RARS2: variants seen among roughly 807,000 people sequenced by gnomAD.
RARS2 encodes probable arginine--tRNA ligase, mitochondrial.
In RARS2, 67 loss-of-function variants were observed where a neutral mutation model predicts 88.5. That is an observed-to-expected ratio of 0.76 (90% CI 0.62 to 0.93). The LOEUF (loss-of-function observed/expected upper bound fraction) is 0.93, where lower values mean the gene tolerates loss of function less well. Among genes scored for constraint, RARS2 ranks in the 40% least tolerant of loss-of-function variants. The probability of loss-of-function intolerance (pLI) is 0.00; values close to 1 mark genes in which losing one functional copy is unlikely to be tolerated. For synonymous variants in RARS2, 239 were observed against 230.3 expected, an observed-to-expected ratio of 1.04 and a Z score of -0.34; for missense variants, 664 against 684.2, an observed-to-expected ratio of 0.97 and a Z score of 0.33.
chr6:87,529,511 A>AT (rs1776770644), intron 10 of RARS2, 31 bp downstream of exon 10: 2 of 1,324,256 alleles, frequency 1.5e-6, no homozygotes, highest in Non-Finnish European at 2.2e-6. Context: ...AGAACAAATA[A>AT]TTTTACTGAA....
chr6:87,558,665 C>G (rs989388475), intron 4 of RARS2, among the ~76,000 whole-genome samples: 1 of 152,200 alleles, frequency 6.6e-6, no homozygotes, highest in Non-Finnish European at 1.5e-5. Context: ...CAATGCATTA[C>G]TCACATGTTT....
intron 5 of RARS2, among the ~76,000 whole-genome samples, chr6:87,553,285 T>C (rs1784892223): frequency 6.6e-6 from 1 of 152,164 alleles, no homozygotes; most frequent in African/African-American, 2.4e-5. Context: ...AGTCTCTAGA[T>C]GACCGCAGTT....
At chr6:87,542,082 AC>A in intron 7 of RARS2, 88 bp from the exon 8 acceptor site, 1 of 1,008,364 alleles carries the variant, frequency 9.9e-7, no homozygotes, top group Non-Finnish European at 1.5e-6. Flanking sequence ...CTATAAAAAG[AC>A]CAACCTGTCA....
At chr6:87,555,333 C>G in intron 5 of RARS2, 75 bp downstream of exon 5, 1 of 1,146,046 alleles carries the variant, frequency 8.7e-7, no homozygotes, top group Non-Finnish European at 1.3e-6. Context: ...TTAAGACCCC[C>G]AAATAATGAT....
At chr6:87,539,191 C>T (rs1002235628) in intron 8 of RARS2, among the ~76,000 whole-genome samples, 2 of 152,130 alleles carry the variant, frequency 1.3e-5, no homozygotes, top group Admixed American at 6.5e-5. Context: ...TGTCATGCTG[C>T]ACTCTAAATC....
chr6:87,547,264 T>C (rs1426078581), intron 6 of RARS2, among the ~76,000 whole-genome samples: 1 of 152,240 alleles, frequency 6.6e-6, no homozygotes, highest in African/African-American at 2.4e-5. Flanking sequence ...GCTTTTTTTA[T>C]ACTGTATATT....
chr6:87,549,285 G>A (rs1026450221), intron 5 of RARS2, among the ~76,000 whole-genome samples: 2 of 151,986 alleles, frequency 1.3e-5, no homozygotes, highest in South Asian at 2.1e-4. Context: ...GAACCTGGGA[G>A]GCGGAGGTTG....
intron 5 of RARS2, among the ~76,000 whole-genome samples, chr6:87,553,071 G>A (rs974655113): frequency 1.3e-5 from 2 of 152,102 alleles, no homozygotes; most frequent in Non-Finnish European, 2.9e-5. Context: ...TTGAATCTGG[G>A]GTGATCTTGT....
At chr6:87,529,727 G>A in intron 9 of RARS2, 79 bp from the exon 10 acceptor site, 7 of 925,698 alleles carry the variant, frequency 7.6e-6, no homozygotes, top group Non-Finnish European at 1.2e-5. Context: ...AATTAAGGAT[G>A]CTCTACCACC....
At chr6:87,540,482 T>C (rs1401652940) in intron 8 of RARS2, among the ~76,000 whole-genome samples, 2 of 151,670 alleles carry the variant, frequency 1.3e-5, no homozygotes, top group African/African-American at 4.8e-5. Flanking sequence ...TGGAATATGT[T>C]TTTGTTCAAT....
In RARS2 at chr6:87,547,073, T is replaced by C. The variant is rs1293367347; in HGVS notation, c.452-1374A>G. Among the ~76,000 whole-genome samples, 3 of 152,202 alleles carry C rather than the reference T, an allele frequency of 2.0e-5. No individual in the cohort carries two copies. In the East Asian group the frequency reaches 5.8e-4, roughly 29 times the overall value. ...AATTTCTTCATCCATAAACCAGAGT[T>C]AACAGTATTTACCAAACTGGGCTGT... is the stretch of plus-strand genomic sequence containing the variant. On this transcript the variant is annotated intron_variant, in intron 6 of 19. Transcript: ENST00000369536.
chr6:87,548,733 A>G, intron 5 of RARS2, 87 bp from the exon 6 acceptor site: 1 of 1,241,846 alleles, frequency 8.1e-7, no homozygotes, highest in Non-Finnish European at 1.2e-6. Flanking sequence ...CTTTGACAAA[A>G]CTGTGGAGTA....
intron 8 of RARS2, among the ~76,000 whole-genome samples, chr6:87,540,664 C>G (rs760698152): frequency 6.6e-6 from 1 of 152,048 alleles, no homozygotes; most frequent in Admixed American, 6.5e-5. Context: ...TGGCTGACTT[C>G]GTATCCGCGT....
chr6:87,577,836 T>C (rs147561406), intron 1 of RARS2, among the ~76,000 whole-genome samples: 1 of 152,176 alleles, frequency 6.6e-6, no homozygotes. Flanking sequence ...AACATGAAGA[T>C]CTTTTTGTAA....
intron 10 of RARS2, among the ~76,000 whole-genome samples, chr6:87,527,214 C>T (rs1776039761): frequency 1.3e-5 from 2 of 151,980 alleles, no homozygotes; most frequent in Admixed American, 1.3e-4. Context: ...GAGGCTGAGG[C>T]AGGAGATTCG....
At chr6:87,541,174 T>A (rs1780826251) in intron 8 of RARS2, among the ~76,000 whole-genome samples, 1 of 151,414 alleles carries the variant, frequency 6.6e-6, no homozygotes, top group Non-Finnish European at 1.5e-5. Flanking sequence ...GTAAAATAAG[T>A]GCAACATTTT....
rs753856335 is a variant in RARS2, at chr6:87,559,463, CAAAAAAAAAAAA to C, written c.297+3227_297+3238del. On this transcript the variant is annotated intron_variant, in intron 4 of 19. Transcript: ENST00000369536. ...GGGCAACAAGAGTGAAACTCTGTCT[CAAAAAAAAAAAA>C]AAAAAAAAAAAAAAAGAGACAGGGT... Among the ~76,000 whole-genome samples, 115 of 93,276 alleles carry C rather than the reference CAAAAAAAAAAAA, an allele frequency of 1.2e-3. 1 individual carries two copies. Among genetic ancestry groups the C allele is most frequent in the Middle Eastern group, 6.0e-3 (1 of 168 alleles). 61.2% of individuals were successfully genotyped at this position (93,276 alleles called of 152,430 possible).
Position 87,519,208 on chromosome 6 carries a change from G to GTGTGTGTGTATATATATA in RARS2, c.1238-318_1238-317insTATATATATACACACACA, listed in dbSNP as rs1210109506. The GTGTGTGTGTATATATATA allele has an allele frequency of 5.5e-3, 1,414 of 257,584 alleles. 18 individuals carry two copies. The highest frequency in any genetic ancestry group is 0.029 in the African/African-American group (1,215 of 41,806). The allele number at this position is 257,584 out of a possible 1,614,324, so 16.0% of individuals were successfully genotyped here. ...TATGTGTGTGTGTGTGTGTGTGTGT[G>GTGTGTGTGTATATATATA]TATATATATATATCTATATATATCT... On this transcript the variant is annotated intron_variant, in intron 14 of 19. Coordinates refer to ENST00000369536, the MANE Select transcript of RARS2 (RefSeq NM_020320.5).
chr6:87,537,009 G>A (rs1368087873), intron 8 of RARS2, among the ~76,000 whole-genome samples: 2 of 152,216 alleles, frequency 1.3e-5, no homozygotes, highest in Non-Finnish European at 1.5e-5. Context: ...ATAAATGACT[G>A]TGGGTGTTAA....
Sources: allele counts gnomAD v4.1 joint callset (sites outside exome capture counted in the v4.1 genomes callset), GRCh38; gene constraint gnomAD v4.1.1; transcripts MANE v1.5; gene names NCBI Gene and HGNC (gene_info 2026-07-23, HGNC 2026-07-21).